CLNK: variants seen among roughly 807,000 people sequenced by gnomAD.
The protein encoded by CLNK is cytokine-dependent hematopoietic cell linker.
CLNK carries 74 observed loss-of-function variants against 68.6 expected under a neutral mutation model. That is an observed-to-expected ratio of 1.08 (90% CI 0.89 to 1.31). The LOEUF is 1.31. CLNK is among the 50% of genes most tolerant of loss of function. The pLI is 0.00. For missense variants in CLNK, 553 were observed against 515.3 expected, an observed-to-expected ratio of 1.07 and a Z score of -0.71; for synonymous variants, 198 against 172.2, an observed-to-expected ratio of 1.15 and a Z score of -1.17.
At chr4:10,583,322 C>T (rs192769129) in intron 4 of CLNK, among the ~76,000 whole-genome samples, 107 of 151,950 alleles carry the variant, frequency 7.0e-4, no homozygotes, top group African/African-American at 2.6e-3. Context: ...CTGTCGTCCA[C>T]AGCGCCCAGG....
the CLNK span, among the ~76,000 whole-genome samples, chr4:10,699,514 T>TTA: frequency 2.7e-4 from 5 of 18,452 alleles, no homozygotes; most frequent in South Asian, 1.9e-3. Context: ...ATATATATAT[T>TTA]TTTTTTTTTT....
chr4:10,504,475 T>A (rs17382781), intron 17 of CLNK, among the ~76,000 whole-genome samples: 42,136 of 152,120 alleles, frequency 0.28, 7,148 homozygotes, highest in Non-Finnish European at 0.39. Context: ...AGTCTCATTT[T>A]ACAGGTAAAG....
intron 2 of CLNK, among the ~76,000 whole-genome samples, chr4:10,602,810 C>T (rs1721639332): frequency 6.6e-6 from 1 of 152,162 alleles, no homozygotes; most frequent in Admixed American, 6.5e-5. Context: ...AAAATGTACA[C>T]ATGGTCTAGA....
chr4:10,604,657 T>C (rs1205500825), intron 2 of CLNK, among the ~76,000 whole-genome samples: 1 of 152,098 alleles, frequency 6.6e-6, no homozygotes, highest in Non-Finnish European at 1.5e-5. Flanking sequence ...CCACCATTCA[T>C]TCCCTATTAT....
At chr4:10,547,318 C>T (rs1218281863) in intron 8 of CLNK, among the ~76,000 whole-genome samples, 1 of 152,130 alleles carries the variant, frequency 6.6e-6, no homozygotes, top group Non-Finnish European at 1.5e-5. Context: ...ATTAAGGTAT[C>T]ACTGACATAG....
chr4:10,633,370 G>A (rs1286102319), intron 2 of CLNK, among the ~76,000 whole-genome samples: 1 of 152,216 alleles, frequency 6.6e-6, no homozygotes, highest in Non-Finnish European at 1.5e-5. Context: ...CATCAGCTTT[G>A]TTGCGACTGA....
chr4:10,550,869 C>G (rs1719419865), intron 8 of CLNK, among the ~76,000 whole-genome samples: 1 of 152,194 alleles, frequency 6.6e-6, no homozygotes, highest in African/African-American at 2.4e-5. Context: ...AGCATCACTG[C>G]TCTTGCGCTT....
the CLNK span, among the ~76,000 whole-genome samples, chr4:10,702,592 A>C: frequency 6.6e-6 from 1 of 152,202 alleles, no homozygotes; most frequent in Non-Finnish European, 1.5e-5. Context: ...GAATAGTGAC[A>C]TGTATATTTG....
intron 2 of CLNK, among the ~76,000 whole-genome samples, chr4:10,617,592 T>G (rs2108858534): frequency 6.6e-6 from 1 of 152,346 alleles, no homozygotes; most frequent in East Asian, 1.9e-4. Flanking sequence ...GAAATAATAG[T>G]CAATTTTTGC....
chr4:10,586,884 C>CT (rs1365490101), intron 3 of CLNK, among the ~76,000 whole-genome samples: 1 of 152,006 alleles, frequency 6.6e-6, no homozygotes, highest in Non-Finnish European at 1.5e-5. Context: ...GATTGAATTT[C>CT]TTTTTTCCCA....
At chr4:10,675,034 TG>T (rs1724814922) in intron 1 of CLNK, among the ~76,000 whole-genome samples, 1 of 152,024 alleles carries the variant, frequency 6.6e-6, no homozygotes. Context: ...GGACAAAGCA[TG>T]TGGGGCTTAA....
At chr4:10,539,591 A>T (rs1490667932) in intron 11 of CLNK, among the ~76,000 whole-genome samples, 2 of 151,948 alleles carry the variant, frequency 1.3e-5, no homozygotes, top group Non-Finnish European at 2.9e-5. Context: ...GGAAATTTAA[A>T]CTCTTTTGGG....
At chr4:10,699,320 CACACACCACATACGTGTGTGTAT>C in the CLNK span, among the ~76,000 whole-genome samples, 2 of 123,542 alleles carry the variant, frequency 1.6e-5, 1 homozygote. Context: ...CGTGTATACA[CACACACCACATACGTGTGTGTAT>C]ACACACACAC....
At chr4:10,517,078 A>G (rs1331890897) in intron 15 of CLNK, among the ~76,000 whole-genome samples, 3 of 152,210 alleles carry the variant, frequency 2.0e-5, no homozygotes, top group Admixed American at 2.0e-4. Flanking sequence ...TTCAAACACA[A>G]TGAAGAATCT....
chr4:10,676,119 T>G (rs995622528), intron 1 of CLNK, among the ~76,000 whole-genome samples: 1 of 151,794 alleles, frequency 6.6e-6, no homozygotes, highest in Non-Finnish European at 1.5e-5. Context: ...GAGCTTTGAG[T>G]AAACATGTCG....
rs183331068 is a variant in CLNK at position 10,492,814 on chromosome 4, G to A, written c.1141-2201C>T. On this transcript the variant is annotated intron_variant, in intron 18 of 18. Transcript: ENST00000226951. ...ATGTCTTGATGTTAACTAGTCCCTG[G>A]ATCGAGTCCATTTCTGTCCTTTCTG... Among the ~76,000 whole-genome samples the A allele has an allele frequency of 3.1e-4, 47 of 152,294 alleles. 1 individual carries two copies. In the East Asian group the frequency reaches 8.5e-3, roughly 28 times the overall value.
intron 5 of CLNK, among the ~76,000 whole-genome samples, chr4:10,570,561 A>ATG (rs1366519940): frequency 6.6e-6 from 1 of 152,080 alleles, no homozygotes; most frequent in African/African-American, 2.4e-5. Context: ...TTGTGTGTGC[A>ATG]TGTGTGTGTA....
At chr4:10,583,397 C>T (rs917707475) in intron 4 of CLNK, among the ~76,000 whole-genome samples, 2 of 152,118 alleles carry the variant, frequency 1.3e-5, no homozygotes, top group Non-Finnish European at 2.9e-5. Flanking sequence ...AGTGACTGTC[C>T]TGCCTCAGCC....
intron 8 of CLNK, among the ~76,000 whole-genome samples, chr4:10,554,260 G>A (rs947473407): frequency 2.0e-5 from 3 of 152,166 alleles, no homozygotes; most frequent in Admixed American, 6.5e-5. Flanking sequence ...TTCATTATGC[G>A]TGTATTTCAA....
Sources: gnomAD v4.1 joint callset for allele counts (sites outside exome capture counted in the v4.1 genomes callset) on GRCh38, gnomAD v4.1.1 for gene constraint, MANE v1.5 for transcripts, NCBI Gene and HGNC (gene_info 2026-07-23, HGNC 2026-07-21) for gene names.